The following SPRY3 variants were observed in gnomAD, a reference collection of about 807,000 sequenced individuals.
SPRY3 encodes the protein protein sprouty homolog 3.
In SPRY3, 15 loss-of-function variants were observed where a neutral mutation model predicts 20.2. The observed-to-expected ratio is 0.74, with a 90% CI of 0.50 to 1.14. The LOEUF is 1.14. Among genes scored for constraint, SPRY3 ranks in the 50% most tolerant of loss-of-function variants. SPRY3 has a pLI of 0.00. For missense variants in SPRY3, 364 were observed against 363.9 expected, an observed-to-expected ratio of 1.00 and a Z score of 0.00; for synonymous variants, 143 against 136.5, an observed-to-expected ratio of 1.05 and a Z score of -0.33.
exon 4 of SPRY3, chrX:155,776,061 G>C (rs2091423385): frequency 6.0e-6 from 1 of 167,092 alleles, no homozygotes; most frequent in South Asian, 2.1e-4. Context: ...TCTTACCCCT[G>C]TACCACATTG....
At chrX:155,724,279 G>T (rs975883510) in intron 2 of SPRY3, among the ~76,000 whole-genome samples, 1 of 152,104 alleles carries the variant, frequency 6.6e-6, no homozygotes, top group East Asian at 1.9e-4. Flanking sequence ...CTCCTTTTTG[G>T]TTCCATATGA....
intron 2 of SPRY3, among the ~76,000 whole-genome samples, chrX:155,720,265 A>C (rs920907583): frequency 6.6e-6 from 1 of 152,142 alleles, no homozygotes; most frequent in African/African-American, 2.4e-5. Context: ...GACTGTGTAC[A>C]GCTCAGTCGC....
At chrX:155,622,185 G>A (rs1557349516) in intron 1 of SPRY3, among the ~76,000 whole-genome samples, 1 of 112,133 alleles carries the variant, frequency 8.9e-6, no homozygotes, top group African/African-American at 3.2e-5. Context: ...TATATGTGAT[G>A]CAAAGTATAG....
At chrX:155,774,781 C>A in exon 4 of SPRY3, 2 of 1,569,024 alleles carry the variant, frequency 1.3e-6, no homozygotes, top group Non-Finnish European at 8.6e-7. Flanking sequence ...CTTCGAGTCC[C>A]CAACAGCAAA....
intron 2 of SPRY3, among the ~76,000 whole-genome samples, chrX:155,739,260 T>G (rs1376807815): frequency 6.6e-6 from 1 of 152,128 alleles, no homozygotes; most frequent in Non-Finnish European, 1.5e-5. Context: ...GGGCTCCCTG[T>G]GGGAATTTCA....
chrX:155,672,052 T>G (rs1265395375), intron 2 of SPRY3, among the ~76,000 whole-genome samples: 1 of 111,684 alleles, frequency 9.0e-6, no homozygotes, highest in Non-Finnish European at 1.9e-5. Context: ...TACTGTAGCC[T>G]TGTAGTATAG....
chrX:155,731,416 A>T (rs1207455860), intron 2 of SPRY3, among the ~76,000 whole-genome samples: 2 of 152,110 alleles, frequency 1.3e-5, no homozygotes, highest in Non-Finnish European at 2.9e-5. Flanking sequence ...GGGAAAAGAC[A>T]AACTCTTCAA....
At chrX:155,684,628 G>A (rs1251384298) in intron 2 of SPRY3, among the ~76,000 whole-genome samples, 1 of 111,254 alleles carries the variant, frequency 9.0e-6, no homozygotes, top group Non-Finnish European at 1.9e-5. Flanking sequence ...GTTTGTTTTT[G>A]CTTTCAATCA....
chrX:155,699,852 C>T (rs2068130355), intron 2 of SPRY3, among the ~76,000 whole-genome samples: 1 of 110,094 alleles, frequency 9.1e-6, no homozygotes, highest in Admixed American at 9.8e-5. Flanking sequence ...AGGCCACACC[C>T]CAAACTACCA....
Position 155,655,609 on chromosome X carries a change from G to C in SPRY3, c.-440-1258G>C, listed in dbSNP as rs782386576. 4.1e-4 allele frequency among the ~76,000 whole-genome samples: 46 copies of C among 111,757 alleles called. 1 individual carries two copies. The highest frequency in any genetic ancestry group is 1.4e-3 in the African/African-American group (44 of 30,772). Reference sequence around the variant, plus strand: ...TAGTCCCAGCACCATATATTGAATAGACTGACCTTTCCCCAGTGTGTATTT... The same window carrying C: ...TAGTCCCAGCACCATATATTGAATACACTGACCTTTCCCCAGTGTGTATTT... On this transcript the variant is annotated intron_variant, in intron 1 of 3. Coordinates refer to ENST00000675360, the Ensembl canonical transcript of SPRY3.
intron 2 of SPRY3, among the ~76,000 whole-genome samples, chrX:155,765,224 C>A (rs1452773521): frequency 1.3e-5 from 2 of 152,074 alleles, no homozygotes; most frequent in African/African-American, 4.8e-5. Flanking sequence ...GAACAAAAAT[C>A]CCTGAAGGGA....
intron 2 of SPRY3, among the ~76,000 whole-genome samples, chrX:155,763,458 C>T (rs1207735982): frequency 6.6e-6 from 1 of 152,158 alleles, no homozygotes; most frequent in East Asian, 1.9e-4. Context: ...CTCCCCACTC[C>T]TATATATCAT....
intron 3 of SPRY3, among the ~76,000 whole-genome samples, chrX:155,768,692 C>A (rs1322204857): frequency 1.3e-5 from 2 of 152,188 alleles, no homozygotes; most frequent in Non-Finnish European, 2.9e-5. Context: ...ATTTAGAAAT[C>A]TCTGTATCCG....
intron 2 of SPRY3, among the ~76,000 whole-genome samples, chrX:155,700,633 T>TTTTTTTTTTTTAGGACTTAAG (rs1159346291): frequency 2.5e-5 from 2 of 81,363 alleles, no homozygotes; most frequent in African/African-American, 1.3e-4. Context: ...TTTTTTTTTT[T>TTTTTTTTTTTTAGGACTTAAG]ATTATACTCT....
chrX:155,732,827 G>A (rs1242704572), intron 2 of SPRY3, among the ~76,000 whole-genome samples: 3 of 151,972 alleles, frequency 2.0e-5, no homozygotes, highest in Non-Finnish European at 4.4e-5. Flanking sequence ...TATAAAATAC[G>A]AGATCCTGTC....
intron 2 of SPRY3, among the ~76,000 whole-genome samples, chrX:155,725,169 C>T (rs1379252892): frequency 1.3e-5 from 2 of 152,076 alleles, no homozygotes; most frequent in Non-Finnish European, 2.9e-5. Flanking sequence ...GGGATAAAGC[C>T]AACTTGATCA....
At chrX:155,638,544 C>G (rs2124534861) in intron 1 of SPRY3, among the ~76,000 whole-genome samples, 1 of 106,565 alleles carries the variant, frequency 9.4e-6, no homozygotes, top group African/African-American at 3.5e-5. Context: ...CCTAATTAAA[C>G]TAGCTTCACC....
intron 1 of SPRY3, among the ~76,000 whole-genome samples, chrX:155,633,311 C>T (rs891654168): frequency 2.2e-5 from 2 of 92,517 alleles, no homozygotes; most frequent in Non-Finnish European, 4.1e-5. Context: ...GAGGCCGAGG[C>T]GGGCGGATCA....
chrX:155,614,547 A>G (rs1237952529), intron 1 of SPRY3, among the ~76,000 whole-genome samples: 1 of 111,525 alleles, frequency 9.0e-6, no homozygotes, highest in Non-Finnish European at 1.9e-5. Flanking sequence ...CTTAAGGTAG[A>G]TGATATTATT....
Sources: gnomAD v4.1 joint callset for allele counts (sites outside exome capture counted in the v4.1 genomes callset) on GRCh38, gnomAD v4.1.1 for gene constraint, MANE v1.5 for transcripts, NCBI Gene and HGNC (gene_info 2026-07-23, HGNC 2026-07-21) for gene names.